The following SMYD4 variants were observed in gnomAD, a reference collection of about 807,000 sequenced individuals.
SMYD4 encodes the protein protein-lysine N-methyltransferase SMYD4.
SMYD4 carries 68 observed loss-of-function variants against 72.8 expected under a neutral mutation model. The observed-to-expected ratio is 0.93, with a 90% CI of 0.77 to 1.14. SMYD4 has a LOEUF of 1.14. Among genes scored for constraint, SMYD4 ranks in the 50% most tolerant of loss-of-function variants. The pLI is 0.00. For synonymous variants in SMYD4, 407 were observed against 388.6 expected, an observed-to-expected ratio of 1.05 and a Z score of -0.56; for missense variants, 984 against 1,003.7, an observed-to-expected ratio of 0.98 and a Z score of 0.27.
At chr17:1,783,333 C>CGCA in intron 9 of SMYD4, 27 bp downstream of exon 9, 5 of 1,611,528 alleles carry the variant, frequency 3.1e-6, no homozygotes, top group Non-Finnish European at 4.2e-6. Flanking sequence ...CTGTTCCCGA[C>CGCA]GCAGAACGTG....
At chr17:1,808,253 G>T (rs1275737530) in intron 3 of SMYD4, among the ~76,000 whole-genome samples, 3 of 152,110 alleles carry the variant, frequency 2.0e-5, no homozygotes, top group East Asian at 1.9e-4. Context: ...ATCAAGTACG[G>T]TTTTTTCTCT....
chr17:1,816,837 C>T (rs1255886992), intron 2 of SMYD4, among the ~76,000 whole-genome samples: 2 of 151,640 alleles, frequency 1.3e-5, no homozygotes, highest in African/African-American at 2.4e-5. Flanking sequence ...AACATCTTTT[C>T]GTGTGTCTAC....
Position 1,786,879 on chromosome 17 carries a change from C to T in SMYD4, c.1815G>A (p.Glu605=). The T allele has an allele frequency of 6.2e-7, 1 of 1,614,248 alleles. No individual in the cohort carries two copies. Among genetic ancestry groups the T allele is most frequent in the Non-Finnish European group, 8.5e-7 (1 of 1,180,054 alleles). ...FDCACPACQT[E]AHRMAAGPRW... is the part of the protein sequence containing the mutation. Reference sequence around the variant, plus strand: ...TGGGCCCTGCAGCCATCCTGTGTGCCTCAGTTTGACAAGCTGGACAGGCGC... The same window carrying T: ...TGGGCCCTGCAGCCATCCTGTGTGCTTCAGTTTGACAAGCTGGACAGGCGC... Residue 605 remains glutamate (E), a synonymous_variant, in exon 7 of 11, where the codon GAG becomes GAA. Coordinates refer to ENST00000305513, the MANE Select transcript of SMYD4 (RefSeq NM_052928.3).
At chr17:1,784,295 C>T in intron 8 of SMYD4, 31 bp downstream of exon 8, 8 of 1,613,632 alleles carry the variant, frequency 5.0e-6, no homozygotes, top group Non-Finnish European at 6.8e-6. Flanking sequence ...AGGGAAGGGG[C>T]TGGAGGACCA....
intron 5 of SMYD4, among the ~76,000 whole-genome samples, chr17:1,791,421 G>C (rs990459412): frequency 6.6e-6 from 1 of 152,088 alleles, no homozygotes; most frequent in African/African-American, 2.4e-5. Context: ...TTTTGTCAAA[G>C]TCTATCCTAG....
intron 10 of SMYD4, 90 bp downstream of exon 10, chr17:1,782,945 G>A (rs1284513748): frequency 6.5e-7 from 1 of 1,527,664 alleles, no homozygotes; most frequent in Non-Finnish European, 8.8e-7. Context: ...GTTTCAACAT[G>A]CTTTTAAAAA....
chr17:1,811,014 AGG>A (rs1336017697), intron 3 of SMYD4, among the ~76,000 whole-genome samples: 1 of 152,216 alleles, frequency 6.6e-6, no homozygotes, highest in Non-Finnish European at 1.5e-5. Flanking sequence ...CAGCACACCA[AGG>A]CAAGAACCCG....
intron 2 of SMYD4, among the ~76,000 whole-genome samples, chr17:1,814,197 C>T (rs1017873899): frequency 1.3e-5 from 2 of 151,698 alleles, no homozygotes; most frequent in Non-Finnish European, 1.5e-5. Context: ...CCCAGCTACT[C>T]GGGAGGCTGA....
intron 2 of SMYD4, among the ~76,000 whole-genome samples, chr17:1,823,388 C>T (rs1468008347): frequency 2.3e-4 from 23 of 100,392 alleles, no homozygotes; most frequent in South Asian, 1.3e-3. Context: ...AGCGAGACTC[C>T]GTCTCAAAAA....
At chr17:1,795,621 T>G (rs1257145874) in intron 5 of SMYD4, among the ~76,000 whole-genome samples, 1 of 152,060 alleles carries the variant, frequency 6.6e-6, no homozygotes, top group Non-Finnish European at 1.5e-5. Context: ...TTTTGTATTT[T>G]TAATAGAGAC....
intron 2 of SMYD4, among the ~76,000 whole-genome samples, chr17:1,819,153 T>G (rs113197074): frequency 1.5e-3 from 225 of 151,882 alleles, no homozygotes; most frequent in African/African-American, 5.1e-3. Flanking sequence ...GGTCAGGAGT[T>G]CGAGACCACC....
At position 1,800,707 on chromosome 17, in the gene SMYD4, G is replaced by A. The variant is rs1289941897; in HGVS notation, c.687C>T (p.Ser229=). Residue 229 remains serine (S), a synonymous_variant, in exon 5 of 11, where the codon TCC becomes TCT. Coordinates refer to ENST00000305513, the MANE Select transcript of SMYD4 (RefSeq NM_052928.3). ...AALREENEQL[S]NASSSIGLCV... is the part of the protein sequence containing the mutation. ...ATAAGCCGATGGATGATGAGGCATT[G>A]GAAAGTTGTTCATTCTCCTCCCTCA... The A allele has an allele frequency of 2.7e-5, 44 of 1,614,100 alleles. No individual in the cohort carries two copies. Among genetic ancestry groups the A allele is most frequent in the Non-Finnish European group, 3.6e-5 (42 of 1,180,054 alleles).
chr17:1,811,656 G>A (rs1331549645), intron 3 of SMYD4, among the ~76,000 whole-genome samples: 1 of 152,202 alleles, frequency 6.6e-6, no homozygotes, highest in African/African-American at 2.4e-5. Flanking sequence ...GCAGGGCATG[G>A]TGGCTCATGC....
chr17:1,796,733 C>A (rs1242313070), intron 5 of SMYD4, among the ~76,000 whole-genome samples: 2 of 152,040 alleles, frequency 1.3e-5, no homozygotes, highest in Non-Finnish European at 2.9e-5. Flanking sequence ...CCGCGCCCAG[C>A]CCTATTAAGT....
At chr17:1,827,775 A>C in intron 2 of SMYD4, 86 bp downstream of exon 2, 1 of 1,477,708 alleles carries the variant, frequency 6.8e-7, no homozygotes, top group Non-Finnish European at 9.1e-7. Flanking sequence ...TCTTTATTTA[A>C]GAAAAAGACA....
chr17:1,793,575 C>T (rs1372649217), intron 5 of SMYD4, among the ~76,000 whole-genome samples: 1 of 151,960 alleles, frequency 6.6e-6, no homozygotes, highest in Non-Finnish European at 1.5e-5. Context: ...CAGGTCACTT[C>T]TGTCTATTGG....
intron 5 of SMYD4, among the ~76,000 whole-genome samples, chr17:1,790,140 T>C (rs1044208355): frequency 6.6e-6 from 1 of 152,176 alleles, no homozygotes. Context: ...TGGACTTGCA[T>C]TGCCAACTAC....
At position 1,782,878 on chromosome 17, in the gene SMYD4, G is replaced by A. The variant is rs933597629; in HGVS notation, c.2261+157C>T. 5.1e-5 allele frequency: 61 copies of A among 1,201,592 alleles called. 1 individual carries two copies. Among genetic ancestry groups the A allele is most frequent in the Admixed American group, 2.4e-4 (8 of 32,764 alleles). 74.4% of individuals were successfully genotyped at this position (1,201,592 alleles called of 1,614,324 possible). On this transcript the variant is annotated intron_variant, in intron 10 of 10. Transcript: ENST00000305513. The stretch of plus-strand genomic sequence containing the variant: ...GCCTCCCAGGAGGAAATTCTAAAGC[G>A]TTATGTTTGTTAGCAAAACAGAAGG...
In SMYD4 at chr17:1,827,989, A is replaced by T. The variant is rs377632089; in HGVS notation, c.6T>A (p.Asp2Glu). 9 of 1,609,306 alleles carry T rather than the reference A, an allele frequency of 5.6e-6. No homozygotes were observed. The Middle Eastern group carries it at 5.0e-4, about 89-fold the overall frequency. M[D>E]LPVDEWKSYL... ...ATGATTTCCATTCATCCACAGGCAG[A>T]TCCATGCTGCTTTTGATCTATAAAA... The change falls in exon 2 of 11, where the codon GAT (aspartate) becomes GAA (glutamate). Residue 2 changes from aspartate to glutamate, a missense_variant. Transcript: ENST00000305513.
Sources: gnomAD v4.1 joint callset for allele counts (sites outside exome capture counted in the v4.1 genomes callset) on GRCh38, gnomAD v4.1.1 for gene constraint, MANE v1.5 for transcripts, NCBI Gene and HGNC (gene_info 2026-07-23, HGNC 2026-07-21) for gene names.